CHRM3: variants seen among roughly 807,000 people sequenced by gnomAD.
CHRM3 encodes muscarinic acetylcholine receptor M3.
In CHRM3, 11 loss-of-function variants were observed where a neutral mutation model predicts 41.8. The observed-to-expected ratio is 0.26, with a 90% CI of 0.17 to 0.44. The LOEUF is 0.44. CHRM3 is among the 20% of genes least tolerant of loss of function. CHRM3 has a pLI of 1.00. For synonymous variants in CHRM3, 297 were observed against 301.4 expected, an observed-to-expected ratio of 0.99 and a Z score of 0.15; for missense variants, 571 against 745.4, an observed-to-expected ratio of 0.77 and a Z score of 2.72.
intron 1 of CHRM3, among the ~76,000 whole-genome samples, chr1:239,425,024 G>C (rs1434096687): frequency 3.3e-5 from 5 of 152,200 alleles, no homozygotes; most frequent in Non-Finnish European, 5.9e-5. Context: ...TGATTGACAG[G>C]CTTCTGCAAC....
At chr1:239,718,266 A>C (rs1662592392) in intron 5 of CHRM3, among the ~76,000 whole-genome samples, 1 of 152,076 alleles carries the variant, frequency 6.6e-6, no homozygotes, top group African/African-American at 2.4e-5. Context: ...AAGTGAGTGA[A>C]ATGGAATAAA....
chr1:239,635,048 A>C (rs10925934), intron 4 of CHRM3, among the ~76,000 whole-genome samples: 98,380 of 152,076 alleles, frequency 0.65, 32,189 homozygotes, highest in East Asian at 0.84. Context: ...GGCCATTGAA[A>C]CTAAGAGTGA....
intron 3 of CHRM3, among the ~76,000 whole-genome samples, chr1:239,604,585 T>C (rs1290576876): frequency 6.6e-6 from 1 of 152,218 alleles, no homozygotes; most frequent in Non-Finnish European, 1.5e-5. Flanking sequence ...TTACTCAGTG[T>C]GTTGGGTGGC....
chr1:239,805,013 G>A (rs979717032), intron 5 of CHRM3, among the ~76,000 whole-genome samples: 1 of 152,022 alleles, frequency 6.6e-6, no homozygotes, highest in East Asian at 1.9e-4. Context: ...ACTATCCTCT[G>A]CCCGTTTCCT....
intron 1 of CHRM3, among the ~76,000 whole-genome samples, chr1:239,451,934 T>G (rs1664585715): frequency 6.6e-6 from 1 of 152,152 alleles, no homozygotes; most frequent in Non-Finnish European, 1.5e-5. Context: ...TATTTTTAAA[T>G]AAAAAATATG....
chr1:239,589,638 CTATATATATATATATA>C (rs10592228), intron 3 of CHRM3, among the ~76,000 whole-genome samples: 7 of 124,924 alleles, frequency 5.6e-5, no homozygotes, highest in African/African-American at 2.1e-4. Context: ...ATATAAAAAA[CTATATATATATATATA>C]TATATATATA....
chr1:239,398,299 G>T (rs941650715), intron 1 of CHRM3, among the ~76,000 whole-genome samples: 4 of 152,162 alleles, frequency 2.6e-5, no homozygotes, highest in African/African-American at 7.2e-5. Context: ...ACAATGGCAT[G>T]ATCTTGGCCC....
intron 5 of CHRM3, among the ~76,000 whole-genome samples, chr1:239,751,367 A>T (rs1665810128): frequency 6.6e-6 from 1 of 152,142 alleles, no homozygotes; most frequent in Admixed American, 6.6e-5. Context: ...TTCTATATGC[A>T]TCCTTTTTGT....
chr1:239,902,736 G>A (rs1176295516), intron 6 of CHRM3, among the ~76,000 whole-genome samples: 3 of 152,078 alleles, frequency 2.0e-5, no homozygotes, highest in African/African-American at 2.4e-5. Flanking sequence ...AAACCCAAGG[G>A]TAGCATTAGG....
intron 4 of CHRM3, among the ~76,000 whole-genome samples, chr1:239,665,164 G>GAA (rs56144752): frequency 3.3e-3 from 395 of 119,462 alleles, no homozygotes; most frequent in African/African-American, 6.8e-3. Context: ...GTTTTTCTCT[G>GAA]AAAAAAAAAA....
chr1:239,826,764 CAAT>C (rs1052715802), intron 5 of CHRM3: 2 of 152,060 alleles, frequency 1.3e-5, no homozygotes, highest in Non-Finnish European at 2.9e-5. Context: ...GAAAATGCCT[CAAT>C]CTGCTGAGGG....
chr1:239,506,054 G>A (rs1668549558), intron 2 of CHRM3, among the ~76,000 whole-genome samples: 2 of 152,100 alleles, frequency 1.3e-5, no homozygotes, highest in African/African-American at 4.8e-5. Context: ...AGGTGACTTG[G>A]GTGCTGTTAA....
intron 1 of CHRM3, among the ~76,000 whole-genome samples, chr1:239,470,375 A>G (rs769298538): frequency 2.6e-5 from 4 of 152,202 alleles, no homozygotes; most frequent in Non-Finnish European, 5.9e-5. Flanking sequence ...GAAAGGATAC[A>G]TTTCTGTTGT....
In CHRM3 at chr1:239,583,684, T is replaced by C. The variant is rs185095293; in HGVS notation, c.-313+37935T>C. ...CACTTTTCTGAACAGAAATATAAGA[T>C]TTATTTAATTTAGTCCATTTGGCTT... On this transcript the variant is annotated intron_variant, in intron 3 of 6. Transcript: ENST00000676153. Among the ~76,000 whole-genome samples the C allele has an allele frequency of 5.5e-3, 843 of 152,310 alleles. 5 individuals are homozygous for C. Among genetic ancestry groups the C allele is most frequent in the African/African-American group, 0.016 (662 of 41,574 alleles).
intron 1 of CHRM3, among the ~76,000 whole-genome samples, chr1:239,433,857 C>T (rs1050357369): frequency 2.0e-4 from 30 of 152,150 alleles, no homozygotes; most frequent in African/African-American, 5.6e-4. Flanking sequence ...TTTATCCACT[C>T]GTTGATCCAT....
At chr1:239,896,526 G>C (rs1381903306) in intron 6 of CHRM3, among the ~76,000 whole-genome samples, 1 of 152,214 alleles carries the variant, frequency 6.6e-6, no homozygotes, top group African/African-American at 2.4e-5. Flanking sequence ...GTGATTTCCA[G>C]AGAAGTGGGA....
intron 4 of CHRM3, among the ~76,000 whole-genome samples, chr1:239,673,328 A>G (rs1004537065): frequency 1.3e-5 from 2 of 152,194 alleles, no homozygotes; most frequent in South Asian, 2.1e-4. Context: ...TGCAATAGCA[A>G]TTCTGTCAAC....
At chr1:239,479,678 C>T (rs544564916) in intron 1 of CHRM3, among the ~76,000 whole-genome samples, 1 of 152,312 alleles carries the variant, frequency 6.6e-6, no homozygotes, top group East Asian at 1.9e-4. Context: ...CAGCATGTTA[C>T]TGTGCTGAAT....
intron 2 of CHRM3, among the ~76,000 whole-genome samples, chr1:239,503,272 A>G (rs905011712): frequency 1.3e-5 from 2 of 152,188 alleles, no homozygotes; most frequent in Admixed American, 1.3e-4. Context: ...AACAGCGACC[A>G]AGCAGAAAGT....
Sources: gnomAD v4.1 joint callset for allele counts (sites outside exome capture counted in the v4.1 genomes callset) on GRCh38, gnomAD v4.1.1 for gene constraint, MANE v1.5 for transcripts, NCBI Gene and HGNC (gene_info 2026-07-23, HGNC 2026-07-21) for gene names.